Variants in FOCAD observed in about 807,000 individuals in gnomAD.
FOCAD encodes focadhesin.
Under a neutral mutation model 225.6 loss-of-function variants are expected in FOCAD, and 198 were observed. The ratio of observed to expected loss-of-function variants is 0.88; its 90% CI spans 0.78 to 0.99. FOCAD has a LOEUF of 0.99. FOCAD is among the 50% of genes least tolerant of loss of function. The probability of loss-of-function intolerance (pLI) is 0.00; values close to 1 mark genes in which losing one functional copy is unlikely to be tolerated. For synonymous variants in FOCAD, 897 were observed against 755.0 expected (o/e 1.19, Z -3.08); for missense variants, 2,713 against 2,123.6 (o/e 1.28, Z -5.46).
chr9:20,856,305 A>G (rs1045908319), intron 15 of FOCAD, among the ~76,000 whole-genome samples: 2 of 151,904 alleles, frequency 1.3e-5, no homozygotes. Flanking sequence ...CTGTGGTGAG[A>G]TAATATCTCA....
intron 2 of FOCAD, among the ~76,000 whole-genome samples, chr9:20,678,282 A>G (rs912869581): frequency 1.3e-5 from 2 of 152,212 alleles, no homozygotes; most frequent in Admixed American, 6.5e-5. Context: ...GGTTGTAGTT[A>G]TTAGAGATAC....
rs1412859476 is a variant in FOCAD, at chr9:20,957,660, G to GAT, written c.4132+4598_4132+4599dup. 5.6e-5 allele frequency: 6 copies of GAT among 107,690 alleles called. No homozygotes were observed. In the South Asian group the frequency reaches 2.2e-3, roughly 40 times the overall value. 6.7% of individuals were successfully genotyped at this position (107,690 alleles called of 1,614,324 possible). On this transcript the variant is annotated intron_variant, in intron 35 of 43. Transcript: ENST00000338382. ...CAAAGATAGATAGATAGATAGCATA[G>GAT]ATATCTCTCTCTCTTTTTTTTTTTT...
At chr9:20,682,800 TCTCA>T (rs1169414086), upstream of FOCAD, among the ~76,000 whole-genome samples, 1 of 152,134 alleles carries the variant, frequency 6.6e-6, no homozygotes, top group Non-Finnish European at 1.5e-5. Context: ...ATTGTGACAG[TCTCA>T]CTCCATCAGA....
chr9:20,937,380 G>C (rs1177953639), intron 28 of FOCAD, among the ~76,000 whole-genome samples: 3 of 151,966 alleles, frequency 2.0e-5, no homozygotes, highest in African/African-American at 7.3e-5. Context: ...CCAAAACAGA[G>C]ATATAGACCA....
At chr9:20,669,483 A>G (rs1231919758) in intron 2 of FOCAD, among the ~76,000 whole-genome samples, 1 of 152,220 alleles carries the variant, frequency 6.6e-6, no homozygotes, top group Non-Finnish European at 1.5e-5. Flanking sequence ...CCAGTGAAAA[A>G]AGAAAACATG....
At chr9:20,808,337 G>C (rs1433137717) in intron 11 of FOCAD, among the ~76,000 whole-genome samples, 1 of 152,112 alleles carries the variant, frequency 6.6e-6, no homozygotes, top group Non-Finnish European at 1.5e-5. Flanking sequence ...TATATTTATA[G>C]TCCTGGGTAA....
chr9:20,938,670 G>C (rs1037941035), intron 28 of FOCAD, among the ~76,000 whole-genome samples: 1 of 151,888 alleles, frequency 6.6e-6, no homozygotes, highest in Admixed American at 6.6e-5. Context: ...TATGGCACCT[G>C]TATACATATG....
At chr9:20,697,364 A>G (rs1356104474) in intron 1 of FOCAD, among the ~76,000 whole-genome samples, 1 of 152,124 alleles carries the variant, frequency 6.6e-6, no homozygotes, top group Non-Finnish European at 1.5e-5. Flanking sequence ...CTCTTTCCCA[A>G]ACCCTGTAGG....
chr9:20,856,795 A>G (rs1424409322), intron 15 of FOCAD, among the ~76,000 whole-genome samples: 1 of 152,042 alleles, frequency 6.6e-6, no homozygotes, highest in Non-Finnish European at 1.5e-5. Context: ...GTCAAGTTTC[A>G]TTCTTCTGCA....
intron 15 of FOCAD, among the ~76,000 whole-genome samples, chr9:20,857,142 G>A (rs994627061): frequency 5.3e-5 from 8 of 151,994 alleles, no homozygotes; most frequent in African/African-American, 1.9e-4. Context: ...TTGTTATTTT[G>A]ATAGGGATTG....
intron 7 of FOCAD, among the ~76,000 whole-genome samples, chr9:20,766,793 A>G (rs1188951060): frequency 6.6e-6 from 1 of 151,522 alleles, no homozygotes; most frequent in Non-Finnish European, 1.5e-5. Context: ...TGAAATGATC[A>G]TCTTAGAGAT....
intron 29 of FOCAD, among the ~76,000 whole-genome samples, chr9:20,946,274 T>G (rs1378645525): frequency 1.3e-5 from 2 of 152,210 alleles, no homozygotes; most frequent in African/African-American, 4.8e-5. Flanking sequence ...TTCACTTCTT[T>G]GAATTTCCTA....
intron 2 of FOCAD, among the ~76,000 whole-genome samples, chr9:20,715,803 T>C (rs929001752): frequency 6.6e-6 from 1 of 152,138 alleles, no homozygotes; most frequent in African/African-American, 2.4e-5. Context: ...TAGATTTTTA[T>C]AATAATGATA....
At chr9:20,669,472 G>A (rs115168715) in intron 2 of FOCAD, among the ~76,000 whole-genome samples, 6,325 of 152,186 alleles carry the variant, frequency 0.042, 148 homozygotes, top group African/African-American at 0.064. Flanking sequence ...AAATTGTAAG[G>A]CCAGTGAAAA....
chr9:20,898,559 C>CA (rs1832296884), intron 21 of FOCAD, among the ~76,000 whole-genome samples: 1 of 151,798 alleles, frequency 6.6e-6, no homozygotes, highest in Non-Finnish European at 1.5e-5. Flanking sequence ...CCATGCTTTT[C>CA]GTCTCTAGCA....
chr9:20,695,187 A>T (rs951080670), intron 1 of FOCAD, among the ~76,000 whole-genome samples: 1 of 152,004 alleles, frequency 6.6e-6, no homozygotes, highest in African/African-American at 2.4e-5. Flanking sequence ...TGTGTATATT[A>T]GTGGCAAATT....
At chr9:20,758,814 A>C (rs1450734569) in intron 6 of FOCAD, among the ~76,000 whole-genome samples, 1 of 152,188 alleles carries the variant, frequency 6.6e-6, no homozygotes, top group Non-Finnish European at 1.5e-5. Flanking sequence ...TTATGAAAAG[A>C]GGAAGTCAAA....
chr9:20,960,298 G>C (rs1838583666), intron 35 of FOCAD, among the ~76,000 whole-genome samples: 1 of 152,188 alleles, frequency 6.6e-6, no homozygotes, highest in South Asian at 2.1e-4. Flanking sequence ...GGAGCTGTGT[G>C]CTTCTCACTG....
chr9:20,772,918 T>G (rs1033676288), intron 8 of FOCAD, among the ~76,000 whole-genome samples: 1 of 151,216 alleles, frequency 6.6e-6, no homozygotes, highest in Non-Finnish European at 1.5e-5. Flanking sequence ...GTATAATATA[T>G]CAGGTATAAT....
Sources: allele counts gnomAD v4.1 joint callset (sites outside exome capture counted in the v4.1 genomes callset), GRCh38; gene constraint gnomAD v4.1.1; transcripts MANE v1.5; gene names NCBI Gene and HGNC (gene_info 2026-07-23, HGNC 2026-07-21).